The following MYT1L variants were observed in gnomAD, a reference collection of about 807,000 sequenced individuals.
MYT1L encodes the protein myelin transcription factor 1-like protein.
MYT1L carries 12 observed loss-of-function variants against 126.7 expected under a neutral mutation model. The ratio of observed to expected loss-of-function variants is 0.09; its 90% CI spans 0.06 to 0.15. MYT1L has a LOEUF of 0.15. Among genes scored for constraint, MYT1L ranks in the 10% least tolerant of loss-of-function variants. MYT1L has a pLI of 1.00. For synonymous variants in MYT1L, 541 were observed against 604.2 expected, an observed-to-expected ratio of 0.90 and a Z score of 1.53; for missense variants, 979 against 1,585.2, an observed-to-expected ratio of 0.62 and a Z score of 6.49.
At chr2:2,329,557 T>G (rs563609482) in intron 1 of MYT1L, among the ~76,000 whole-genome samples, 65 of 152,346 alleles carry the variant, frequency 4.3e-4, no homozygotes, top group African/African-American at 1.5e-3. Flanking sequence ...AATGCACAAT[T>G]AATATTTAAA....
intron 3 of MYT1L, among the ~76,000 whole-genome samples, chr2:2,085,845 C>T (rs951895166): frequency 3.3e-5 from 5 of 152,190 alleles, no homozygotes; most frequent in Non-Finnish European, 5.9e-5. Flanking sequence ...CGCTCTCAGG[C>T]CCCTCTGTCC....
chr2:2,038,090 C>T (rs1416315663), intron 4 of MYT1L, among the ~76,000 whole-genome samples: 3 of 152,156 alleles, frequency 2.0e-5, no homozygotes, highest in African/African-American at 2.4e-5. Flanking sequence ...TGGACAGAAA[C>T]CTGAGCAATA....
intron 2 of MYT1L, among the ~76,000 whole-genome samples, chr2:2,270,883 A>G (rs1237099455): frequency 6.6e-6 from 1 of 151,626 alleles, no homozygotes; most frequent in Non-Finnish European, 1.5e-5. Flanking sequence ...TTCCTCTTTA[A>G]AAATCGGCTG....
intron 3 of MYT1L, among the ~76,000 whole-genome samples, chr2:2,135,802 A>C (rs969679666): frequency 1.3e-5 from 2 of 152,098 alleles, no homozygotes; most frequent in African/African-American, 4.8e-5. Flanking sequence ...GAAAAAGAGG[A>C]ATGCGCTGTC....
intron 3 of MYT1L, among the ~76,000 whole-genome samples, chr2:2,155,566 T>C (rs964683257): frequency 1.3e-5 from 2 of 152,120 alleles, no homozygotes; most frequent in Non-Finnish European, 2.9e-5. Context: ...TGTCCTGGAG[T>C]CAAGATTTGA....
In MYT1L at chr2:1,840,966, T is replaced by C. The variant is rs535319385; in HGVS notation, c.2775-123A>G. The stretch of plus-strand genomic sequence containing the variant: ...TCACCCAGGCTGAAGTGCAGTGGTG[T>C]GATCTCGGCTCACTGCAAGCTCCGC... On this transcript the variant is annotated intron_variant, in intron 19 of 24. Coordinates refer to ENST00000647738, the MANE Select transcript of MYT1L (RefSeq NM_001303052.2). 2,324 of 647,130 alleles carry C rather than the reference T, an allele frequency of 3.6e-3. 7 individuals are homozygous for C. The highest frequency in any genetic ancestry group is 5.1e-3 in the Non-Finnish European group (1,970 of 389,816). 40.1% of individuals were successfully genotyped at this position (647,130 alleles called of 1,614,324 possible). A position where few individuals can be genotyped will look rare whatever the true frequency, so the allele number is the denominator to read the frequency against.
chr2:1,932,788 C>T (rs1473657958), intron 9 of MYT1L, among the ~76,000 whole-genome samples: 2 of 152,158 alleles, frequency 1.3e-5, no homozygotes, highest in Admixed American at 6.5e-5. Flanking sequence ...GGGTTGTGTG[C>T]CTGAAGCTCC....
chr2:2,176,700 T>C (rs2090836161), intron 2 of MYT1L, among the ~76,000 whole-genome samples: 1 of 152,104 alleles, frequency 6.6e-6, no homozygotes, highest in African/African-American at 2.4e-5. Context: ...GGTTTCACCA[T>C]GTTGGCCAGG....
At chr2:2,000,616 A>G (rs550859266) in intron 4 of MYT1L, among the ~76,000 whole-genome samples, 2 of 152,184 alleles carry the variant, frequency 1.3e-5, no homozygotes, top group Middle Eastern at 3.4e-3. Context: ...CCGACTCCAC[A>G]TGACCTGAGG....
intron 2 of MYT1L, among the ~76,000 whole-genome samples, chr2:2,200,045 T>A (rs1399663426): frequency 6.6e-6 from 1 of 152,146 alleles, no homozygotes. Context: ...ACGCTGGGCC[T>A]TACGGTTTAC....
chr2:1,990,251 C>A (rs2061359077), intron 5 of MYT1L, among the ~76,000 whole-genome samples: 1 of 152,224 alleles, frequency 6.6e-6, no homozygotes, highest in Admixed American at 6.5e-5. Flanking sequence ...CCTGTACCAC[C>A]AGTGAGGGCT....
chr2:1,967,527 A>C (rs966958009), intron 8 of MYT1L, among the ~76,000 whole-genome samples: 2 of 152,162 alleles, frequency 1.3e-5, no homozygotes, highest in African/African-American at 2.4e-5. Flanking sequence ...CTTTATTAGA[A>C]ATCAATTTGG....
At chr2:2,151,680 C>A (rs975423205) in intron 3 of MYT1L, among the ~76,000 whole-genome samples, 1 of 152,070 alleles carries the variant, frequency 6.6e-6, no homozygotes, top group Non-Finnish European at 1.5e-5. Context: ...TATATACATA[C>A]CTAGGATAAA....
chr2:2,073,628 C>T (rs1276198264), intron 3 of MYT1L, among the ~76,000 whole-genome samples: 1 of 152,178 alleles, frequency 6.6e-6, no homozygotes, highest in Non-Finnish European at 1.5e-5. Flanking sequence ...CGTGTGACTA[C>T]AGGCATTTCT....
At chr2:1,916,634 G>C (rs1401744371) in intron 11 of MYT1L, among the ~76,000 whole-genome samples, 2 of 152,148 alleles carry the variant, frequency 1.3e-5, no homozygotes, top group East Asian at 3.9e-4. Flanking sequence ...GAATGCTTAA[G>C]ATCAAAACCC....
intron 4 of MYT1L, among the ~76,000 whole-genome samples, chr2:2,010,680 T>C (rs917686336): frequency 2.0e-5 from 3 of 152,160 alleles, no homozygotes; most frequent in African/African-American, 7.2e-5. Context: ...TGCAATGGCT[T>C]TGTGAACTTT....
chr2:2,012,675 C>T (rs1240522835), intron 4 of MYT1L, among the ~76,000 whole-genome samples: 2 of 152,286 alleles, frequency 1.3e-5, no homozygotes, highest in South Asian at 2.1e-4. Context: ...ATTGTGTGCT[C>T]GTGATGAAAT....
chr2:2,163,623 T>C (rs1251402850), intron 3 of MYT1L, among the ~76,000 whole-genome samples: 1 of 149,814 alleles, frequency 6.7e-6, no homozygotes, highest in Non-Finnish European at 1.5e-5. Context: ...TCCCAGCTAC[T>C]CGGGAGGCTG....
intron 3 of MYT1L, among the ~76,000 whole-genome samples, chr2:2,122,703 C>T (rs900377009): frequency 2.9e-4 from 44 of 152,252 alleles, no homozygotes; most frequent in African/African-American, 8.9e-4. Context: ...TGTTCCTCTT[C>T]GCTTCTCTGT....
Sources: allele counts gnomAD v4.1 joint callset (sites outside exome capture counted in the v4.1 genomes callset), GRCh38; gene constraint gnomAD v4.1.1; transcripts MANE v1.5; gene names NCBI Gene and HGNC (gene_info 2026-07-23, HGNC 2026-07-21).